COL4A5: variants seen among roughly 807,000 people sequenced by gnomAD.
The protein encoded by COL4A5 is collagen alpha-5(IV) chain.
Under a neutral mutation model 130.2 loss-of-function variants are expected in COL4A5, and 26 were observed. The ratio of observed to expected loss-of-function variants is 0.20; its 90% confidence interval spans 0.15 to 0.28. The LOEUF (loss-of-function observed/expected upper bound fraction) is 0.28. Among genes scored for constraint, COL4A5 ranks in the 10% least tolerant of loss-of-function variants. COL4A5 has a pLI of 1.00. For missense variants in COL4A5, 1,131 were observed against 1,344.3 expected, an observed-to-expected ratio of 0.84 and a Z score of 2.48; for synonymous variants, 496 against 439.6, an observed-to-expected ratio of 1.13 and a Z score of -1.60.
chrX:108,653,738 A>G (rs922377051), intron 36 of COL4A5, among the ~76,000 whole-genome samples: 5 of 110,542 alleles, frequency 4.5e-5, no homozygotes, highest in Admixed American at 9.7e-5. Context: ...CTTGTTTTTT[A>G]TTTTGGTATA....
chrX:108,692,950 T>C (rs749890425), intron 50 of COL4A5, 25 bp downstream of exon 50: 20 of 1,203,960 alleles, frequency 1.7e-5, no homozygotes, highest in Non-Finnish European at 2.0e-5. Context: ...TAGCTGTGAC[T>C]TTTACCAATC....
At chrX:108,592,568 T>G (rs182085878) in intron 21 of COL4A5, among the ~76,000 whole-genome samples, 1 of 110,932 alleles carries the variant, frequency 9.0e-6, no homozygotes, top group Non-Finnish European at 1.9e-5. Context: ...CAAGATTTCA[T>G]CCCCTCTTCC....
intron 1 of COL4A5, among the ~76,000 whole-genome samples, chrX:108,528,105 A>T (rs1289459062): frequency 1.8e-5 from 2 of 111,974 alleles, no homozygotes; most frequent in African/African-American, 6.5e-5. Flanking sequence ...GTGCCAGTGT[A>T]AAATGCTCTA....
At chrX:108,453,037 G>T (rs776597251) in intron 1 of COL4A5, among the ~76,000 whole-genome samples, 25 of 111,151 alleles carry the variant, frequency 2.2e-4, no homozygotes, top group African/African-American at 7.2e-4. Flanking sequence ...TAGCCTGAAG[G>T]GTTGTTGAAT....
intron 36 of COL4A5, among the ~76,000 whole-genome samples, chrX:108,651,464 A>G (rs1226188139): frequency 1.8e-5 from 2 of 112,087 alleles, no homozygotes; most frequent in African/African-American, 6.5e-5. Flanking sequence ...TTTTAGTTCT[A>G]GAATCCTGAG....
rs992560421 is a variant in COL4A5, at chrX:108,695,548, T to G, written c.4994+109T>G. On this transcript the variant is annotated intron_variant, in intron 52 of 52. Transcript: ENST00000328300. ...TCCTCAACAAATGTTAGGAATTTAT[T>G]GGATTGTGTACTTTATTCTTGCTTG... is the stretch of plus-strand genomic sequence containing the variant. 3 of 826,835 alleles carry G rather than the reference T, an allele frequency of 3.6e-6. No individual in the cohort carries two copies. The African/African-American group carries it at 6.0e-5, about 17-fold the overall frequency. The allele number at this position is 826,835 out of a possible 1,213,427, so 68.1% of individuals were successfully genotyped here.
At chrX:108,653,516 A>G (rs73636564) in intron 36 of COL4A5, among the ~76,000 whole-genome samples, 1 of 111,024 alleles carries the variant, frequency 9.0e-6, no homozygotes, top group South Asian at 3.7e-4. Flanking sequence ...ATCATGCTAC[A>G]CAAAATGGCG....
At position 108,601,977 on chromosome X, in the gene COL4A5, C is replaced by G. The variant is rs1569495066; in HGVS notation, c.2134C>G (p.Pro712Ala). 9.2e-7 allele frequency: 1 copy of G among 1,092,483 alleles called. No individual in the cohort carries two copies. The highest frequency in any genetic ancestry group is 1.3e-6 in the Non-Finnish European group (1 of 798,431). The allele number at this position is 1,092,483 out of a possible 1,213,427, so 90.0% of individuals were successfully genotyped here. The change falls in exon 27 of 53, where the codon CCT (proline) becomes GCT (alanine). Residue 712 changes from proline (P) to alanine (A), a missense_variant. Physicochemically the swap from Pro to Ala is conservative, Grantham distance 27 (BLOSUM62 -1). Transcript: ENST00000328300. ...GIPGIGLPGP[P>A]GPKGFPGIPG... ...CCCTGGAATTGGGCTTCCTGGACCACCTGGTCCCAAAGGTATGTTGGAATG... is the reference window on the plus strand; with the variant it reads ...CCCTGGAATTGGGCTTCCTGGACCAGCTGGTCCCAAAGGTATGTTGGAATG...
intron 1 of COL4A5, among the ~76,000 whole-genome samples, chrX:108,526,596 CTTT>C (rs1193836816): frequency 0.21 from 3,707 of 17,284 alleles, 167 homozygotes; most frequent in Non-Finnish European, 0.25. Context: ...TCCCTCCCTC[CTTT>C]CTTTCTTTCT....
At chrX:108,601,524 A>C in intron 26 of COL4A5, 39 bp downstream of exon 26, 15 of 570,575 alleles carry the variant, frequency 2.6e-5, no homozygotes, top group Non-Finnish European at 4.0e-5. Flanking sequence ...TTCAACACCG[A>C]TGGCTTTTTT....
At chrX:108,557,401 AG>A (rs2065838272) in intron 2 of COL4A5, among the ~76,000 whole-genome samples, 1 of 111,986 alleles carries the variant, frequency 8.9e-6, no homozygotes, top group East Asian at 2.8e-4. Flanking sequence ...TAAAACAACA[AG>A]GGGATATATG....
intron 1 of COL4A5, among the ~76,000 whole-genome samples, chrX:108,466,235 C>A (rs1413010513): frequency 9.0e-6 from 1 of 110,810 alleles, no homozygotes; most frequent in Non-Finnish European, 1.9e-5. Flanking sequence ...TGTTTGAGTA[C>A]TTGTTTTTAA....
chrX:108,646,424 G>A (rs1283960148), intron 36 of COL4A5, among the ~76,000 whole-genome samples: 20 of 111,002 alleles, frequency 1.8e-4, no homozygotes, highest in African/African-American at 5.9e-4. Flanking sequence ...TTTTGATGGG[G>A]TTGTTTGTTT....
At chrX:108,590,062 G>A (rs2066405992) in intron 19 of COL4A5, among the ~76,000 whole-genome samples, 1 of 111,592 alleles carries the variant, frequency 9.0e-6, no homozygotes, top group Middle Eastern at 4.7e-3. Context: ...GCAAATAAAT[G>A]CAAAGTAAAA....
At chrX:108,545,826 C>G (rs1350920384) in intron 2 of COL4A5, among the ~76,000 whole-genome samples, 1 of 111,340 alleles carries the variant, frequency 9.0e-6, no homozygotes, top group Non-Finnish European at 1.9e-5. Context: ...GGATAGTTAG[C>G]TCTTCTTGTT....
intron 37 of COL4A5, among the ~76,000 whole-genome samples, chrX:108,661,790 T>A (rs2067960897): frequency 9.0e-6 from 1 of 111,580 alleles, no homozygotes; most frequent in Non-Finnish European, 1.9e-5. Context: ...TTAGATTTTG[T>A]TATAGCAGGG....
In COL4A5 at chrX:108,546,938, G is replaced by A. The variant is rs752556953; in HGVS notation, c.141+7133G>A. On this transcript the variant is annotated intron_variant, in intron 2 of 52. Coordinates refer to ENST00000328300, the MANE Select transcript of COL4A5 (RefSeq NM_033380.3). ...CTTGTGCATTCATCACGTAGTTCTC[G>A]TGCCATGGTTTTCAGCCCCATCAGG... is the stretch of plus-strand genomic sequence containing the variant. Among the ~76,000 whole-genome samples, 12 of 112,059 alleles carry A rather than the reference G, an allele frequency of 1.1e-4. No individual in the cohort carries two copies. The South Asian group carries it at 3.3e-3, about 31-fold the overall frequency.
intron 37 of COL4A5, among the ~76,000 whole-genome samples, chrX:108,660,844 C>T (rs1451748429): frequency 9.0e-6 from 1 of 111,574 alleles, no homozygotes; most frequent in Non-Finnish European, 1.9e-5. Context: ...ACATTTTGGT[C>T]AACAACAAAC....
chrX:108,541,825 T>C (rs1338201096), intron 2 of COL4A5, among the ~76,000 whole-genome samples: 4 of 112,361 alleles, frequency 3.6e-5, no homozygotes, highest in African/African-American at 1.3e-4. Flanking sequence ...TTAACTATAC[T>C]ATTTCTTAAA....
Sources: allele counts gnomAD v4.1 joint callset (sites outside exome capture counted in the v4.1 genomes callset), GRCh38; gene constraint gnomAD v4.1.1; transcripts MANE v1.5; gene names NCBI Gene and HGNC (gene_info 2026-07-23, HGNC 2026-07-21).